The following MAP4 variants were observed in gnomAD, a reference collection of about 807,000 sequenced individuals.
The protein encoded by MAP4 is microtubule-associated protein 4.
Under a neutral mutation model 170.2 loss-of-function variants are expected in MAP4, and 76 were observed. The observed-to-expected ratio is 0.45, with a 90% CI of 0.37 to 0.54. The LOEUF is 0.54. Ranked by LOEUF, MAP4 falls within the 20% of genes least tolerant of loss-of-function variation. The pLI, the probability that MAP4 is intolerant of heterozygous loss-of-function variation, is 0.00. For missense variants in MAP4, 2,506 were observed against 2,748.0 expected (o/e 0.91, Z 1.97); for synonymous variants, 909 against 994.5 (o/e 0.91, Z 1.62).
chr3:47,858,613 G>T (rs2060385942), intron 17 of MAP4, among the ~76,000 whole-genome samples: 1 of 135,860 alleles, frequency 7.4e-6, no homozygotes, highest in Admixed American at 7.5e-5. Context: ...GTGTGTGTGT[G>T]TGCGCGTTGT....
chr3:47,940,842 G>A (rs369733374), intron 3 of MAP4, among the ~76,000 whole-genome samples: 6 of 152,158 alleles, frequency 3.9e-5, no homozygotes, highest in African/African-American at 1.2e-4. Flanking sequence ...CAGCACTTTG[G>A]GAGGCTGAGG....
At position 47,853,350 on chromosome 3, in the gene MAP4, A is replaced by G. The variant is rs1307564147; in HGVS notation, c.6699T>C (p.Thr2233=). The part of the protein sequence containing the change: ...GHLPAGGAVK[T]EGGGSEAPLC... Reference sequence around the variant, plus strand: ...GAGGAGCCTCGCTGCCACCGCCCTCAGTCTACAATGAAACAGTGGGGGAGA... The same window carrying G: ...GAGGAGCCTCGCTGCCACCGCCCTCGGTCTACAATGAAACAGTGGGGGAGA... The change falls in exon 20 of 21, where the codon ACT becomes ACC. Residue 2233 remains threonine (T), a splice_region_variant and synonymous_variant. Transcript: ENST00000683076. 4 of 1,602,656 alleles carry G rather than the reference A, an allele frequency of 2.5e-6. No homozygotes were observed. The East Asian group carries it at 9.0e-5, about 36-fold the overall frequency.
At chr3:47,912,470 A>G (rs1197398569) in intron 8 of MAP4, 49 bp from the exon 9 acceptor site, 1 of 1,429,132 alleles carries the variant, frequency 7.0e-7, no homozygotes, top group Admixed American at 2.8e-5. Context: ...TAAAAACAAC[A>G]AAAAACAAAC....
At chr3:47,885,833 A>C (rs1460186403) in intron 10 of MAP4, among the ~76,000 whole-genome samples, 3 of 149,748 alleles carry the variant, frequency 2.0e-5, no homozygotes, top group East Asian at 2.0e-4. Context: ...GGTTCATGCC[A>C]TTCTCCTGCC....
intron 3 of MAP4, chr3:47,973,728 G>C: frequency 1.0e-6 from 1 of 985,398 alleles, no homozygotes; most frequent in Non-Finnish European, 1.2e-6. Context: ...ACGAGCAATA[G>C]AAAGATGTCA....
intron 10 of MAP4, among the ~76,000 whole-genome samples, chr3:47,879,789 A>G (rs1160777426): frequency 2.0e-5 from 3 of 152,062 alleles, no homozygotes; most frequent in African/African-American, 7.2e-5. Context: ...AGCCATATCT[A>G]CCCCATCCCC....
intron 16 of MAP4, among the ~76,000 whole-genome samples, chr3:47,867,745 G>A (rs2083080905): frequency 6.6e-6 from 1 of 152,212 alleles, no homozygotes; most frequent in Non-Finnish European, 1.5e-5. Flanking sequence ...GTCTTATCAT[G>A]TGGACCTGTT....
chr3:48,028,502 C>T (rs1250087039), intron 1 of MAP4, among the ~76,000 whole-genome samples: 3 of 152,026 alleles, frequency 2.0e-5, no homozygotes, highest in Non-Finnish European at 2.9e-5. Flanking sequence ...TGGCTGGGCA[C>T]GGTGGCTCAC....
At chr3:47,870,683 C>G in intron 15 of MAP4, 130 bp downstream of exon 15, 3 of 962,792 alleles carry the variant, frequency 3.1e-6, no homozygotes, top group South Asian at 4.5e-5. Context: ...AGAGCCCCGG[C>G]TGAAATACCC....
rs1202810453 is a variant in MAP4 at position 47,909,742 on chromosome 3, G to C, written c.4679C>G (p.Ser1560Cys). 1.2e-6 allele frequency: 2 copies of C among 1,613,972 alleles called. No homozygotes were observed. Among genetic ancestry groups the C allele is most frequent in the East Asian group, 4.5e-5 (2 of 44,892 alleles). Residue 1560 changes from serine to cysteine, a missense_variant, in exon 9 of 21, where the codon TCT becomes TGT. Coordinates refer to ENST00000683076, the MANE Select transcript of MAP4 (RefSeq NM_001385682.1). ...TGTGACTTTCTCTACTGAATGCTTA[G>C]ACGCACCACTGTGCACTGACTCAGA... Reference protein sequence around the residue: ...GESESVHSGASKHSVEKVTEL... With the variant: ...GESESVHSGACKHSVEKVTEL...
chr3:47,869,441 G>A, intron 15 of MAP4, 114 bp from the exon 16 acceptor site: 1 of 708,432 alleles, frequency 1.4e-6, no homozygotes. Flanking sequence ...CCAGGCAAAA[G>A]CAGGTGGCCT....
chr3:48,082,187 T>C (rs901933333), intron 1 of MAP4, among the ~76,000 whole-genome samples: 5 of 151,984 alleles, frequency 3.3e-5, no homozygotes, highest in Admixed American at 1.3e-4. Context: ...ATTAGAAAAA[T>C]AGAAAACCAA....
chr3:47,890,296 C>T (rs145941015), intron 10 of MAP4, among the ~76,000 whole-genome samples: 4 of 152,210 alleles, frequency 2.6e-5, no homozygotes, highest in African/African-American at 4.8e-5. Context: ...CAAAATTTAG[C>T]TGTTTATTAG....
chr3:47,906,782 C>T (rs1183057667), intron 9 of MAP4, among the ~76,000 whole-genome samples: 2 of 144,894 alleles, frequency 1.4e-5, no homozygotes, highest in African/African-American at 5.3e-5. Context: ...AGACATGTAC[C>T]AGGAAAAAAG....
At chr3:47,946,008 C>A (rs1444458230) in intron 3 of MAP4, among the ~76,000 whole-genome samples, 1 of 151,966 alleles carries the variant, frequency 6.6e-6, no homozygotes, top group Non-Finnish European at 1.5e-5. Context: ...AATTTCGGCT[C>A]ACTGCAAGCT....
rs1210944394 is a variant in MAP4, at chr3:47,850,752, T to G, written c.*2182A>C. 1 of 153,058 alleles carries G rather than the reference T, an allele frequency of 6.5e-6. No individual in the cohort carries two copies. Among genetic ancestry groups the G allele is most frequent in the Admixed American group, 6.5e-5 (1 of 15,428 alleles). The allele number at this position is 153,058 out of a possible 1,614,324, so 9.5% of individuals were successfully genotyped here. ...TCTTAAAACTGTTACAACAGAATCA[T>G]GGACTGACACAGGTAATGGCTGAGC... On this transcript the variant is annotated 3_prime_UTR_variant, in exon 21 of 21. Transcript: ENST00000683076.
chr3:48,025,936 T>TAATAATAAC (rs796434506), intron 1 of MAP4, among the ~76,000 whole-genome samples: 28 of 147,530 alleles, frequency 1.9e-4, no homozygotes, highest in African/African-American at 4.5e-4. Context: ...ATAATAATAA[T>TAATAATAAC]AACAATAATA....
At chr3:47,887,236 C>T (rs531773520) in intron 10 of MAP4, among the ~76,000 whole-genome samples, 30 of 152,322 alleles carry the variant, frequency 2.0e-4, no homozygotes, top group African/African-American at 6.7e-4. Context: ...CGGGGCTGCG[C>T]GCAGCACTTG....
intron 10 of MAP4, among the ~76,000 whole-genome samples, chr3:47,893,858 T>C (rs1443067541): frequency 6.6e-6 from 1 of 152,170 alleles, no homozygotes; most frequent in African/African-American, 2.4e-5. Context: ...AAGTTAAGAT[T>C]GTTCTTTGGT....
Sources: gnomAD v4.1 joint callset for allele counts (sites outside exome capture counted in the v4.1 genomes callset) on GRCh38, gnomAD v4.1.1 for gene constraint, MANE v1.5 for transcripts, NCBI Gene and HGNC (gene_info 2026-07-23, HGNC 2026-07-21) for gene names.